IGSF23: variants seen among roughly 807,000 people sequenced by gnomAD.
IGSF23 encodes the protein immunoglobulin superfamily, member 23.
IGSF23 carries 14 observed loss-of-function variants against 17.8 expected under a neutral mutation model. The ratio of observed to expected loss-of-function variants is 0.79; its 90% CI spans 0.52 to 1.23. The LOEUF is 1.23. Among genes scored for constraint, IGSF23 ranks in the 50% most tolerant of loss-of-function variants. The probability of loss-of-function intolerance (pLI) is 0.00; values close to 1 mark genes in which losing one functional copy is unlikely to be tolerated. For missense variants in IGSF23, 214 were observed against 241.7 expected (o/e 0.89, Z 0.76); for synonymous variants, 85 against 92.5 (o/e 0.92, Z 0.46).
intron 4 of IGSF23, among the ~76,000 whole-genome samples, chr19:44,635,678 T>C (rs1423105254): frequency 6.6e-6 from 1 of 152,186 alleles, no homozygotes; most frequent in African/African-American, 2.4e-5. Context: ...TCCTGGAAGC[T>C]GCCTAAACAA....
Position 44,613,707 on chromosome 19 carries a change from C to T in IGSF23, c.62C>T (p.Thr21Ile). ...RNPVPAWSPP[T>I]TTTDPMLEKD... ...CCTGTCCCAGCCTGGTCCCCACCCACCACCACCACTGACCCGATGCTAGAG... is the reference window on the plus strand; with the variant it reads ...CCTGTCCCAGCCTGGTCCCCACCCATCACCACCACTGACCCGATGCTAGAG... The change falls in exon 1 of 5, where the codon ACC becomes ATC. Residue 21 changes from threonine (T) to isoleucine (I), a missense_variant. Transcript: ENST00000402988. The T allele has an allele frequency of 1.3e-6, 2 of 1,550,584 alleles. No homozygotes were observed. Among genetic ancestry groups the T allele is most frequent in the South Asian group, 1.2e-5 (1 of 84,066 alleles).
chr19:44,623,588 G>A, intron 1 of IGSF23, 119 bp from the exon 2 acceptor site: 2 of 1,053,572 alleles, frequency 1.9e-6, no homozygotes, highest in Non-Finnish European at 1.4e-6. Context: ...ATTCATGGGT[G>A]AATTAATGAA....
chr19:44,635,503 G>A, intron 4 of IGSF23, 38 bp downstream of exon 4: 29 of 1,455,596 alleles, frequency 2.0e-5, no homozygotes, highest in Non-Finnish European at 2.7e-5. Context: ...TCCTAGGTTT[G>A]GGAACAGAAA....
intron 1 of IGSF23, chr19:44,617,953 A>T: frequency 2.7e-6 from 1 of 376,600 alleles, no homozygotes; most frequent in Non-Finnish European, 5.4e-6. Context: ...CCTTTCAGGC[A>T]GCAGAGTGGA....
chr19:44,619,093 T>C (rs577715389), intron 1 of IGSF23, among the ~76,000 whole-genome samples: 2 of 151,982 alleles, frequency 1.3e-5, no homozygotes, highest in African/African-American at 4.8e-5. Flanking sequence ...CTTTTAATCA[T>C]AGCGAAGGCA....
chr19:44,616,101 G>C (rs1212993149), intron 1 of IGSF23, among the ~76,000 whole-genome samples: 1 of 151,994 alleles, frequency 6.6e-6, no homozygotes, highest in Admixed American at 6.6e-5. Flanking sequence ...GATAACAGCA[G>C]GTACCTCGAG....
intron 3 of IGSF23, among the ~76,000 whole-genome samples, chr19:44,631,449 A>G (rs979777292): frequency 1.3e-5 from 2 of 151,934 alleles, no homozygotes; most frequent in South Asian, 4.2e-4. Context: ...TTAACAAGGC[A>G]TGGTGGTGCA....
In IGSF23 at chr19:44,627,357, G is replaced by A. The variant is rs1972673782; in HGVS notation, c.392-63G>A. 4.9e-6 allele frequency: 7 copies of A among 1,418,816 alleles called. No individual in the cohort carries two copies. The South Asian group carries it at 8.7e-5, about 18-fold the overall frequency. The allele number at this position is 1,418,816 out of a possible 1,614,324, so 87.9% of individuals were successfully genotyped here. Reference sequence around the variant, plus strand: ...CACTTGGGAGGGGGAATGGCAGGAGGGAGGGGTGCACAGGGAGGGCGGGCA... The same window carrying A: ...CACTTGGGAGGGGGAATGGCAGGAGAGAGGGGTGCACAGGGAGGGCGGGCA... On this transcript the variant is annotated intron_variant, in intron 2 of 4. Coordinates refer to ENST00000402988, the MANE Select transcript of IGSF23 (RefSeq NM_001205280.2).
intron 1 of IGSF23, among the ~76,000 whole-genome samples, chr19:44,622,521 G>A (rs1244924629): frequency 6.6e-6 from 1 of 152,112 alleles, no homozygotes; most frequent in Non-Finnish European, 1.5e-5. Flanking sequence ...CAGACAAGAA[G>A]TGGGGACCTC....
intron 3 of IGSF23, among the ~76,000 whole-genome samples, chr19:44,629,818 G>C (rs762485208): frequency 1.3e-5 from 2 of 151,868 alleles, no homozygotes; most frequent in Non-Finnish European, 2.9e-5. Context: ...ATTTTTAGTA[G>C]AGACGGAGTT....
chr19:44,635,056 G>A (rs974020880), intron 3 of IGSF23, among the ~76,000 whole-genome samples: 1 of 151,518 alleles, frequency 6.6e-6, no homozygotes, highest in Non-Finnish European at 1.5e-5. Flanking sequence ...CTGGATGCTG[G>A]AAGTCCAAGA....
chr19:44,617,453 G>T (rs1972409291), intron 1 of IGSF23, among the ~76,000 whole-genome samples: 1 of 151,906 alleles, frequency 6.6e-6, no homozygotes, highest in South Asian at 2.1e-4. Context: ...AGTACATGAG[G>T]TAATGCATAT....
chr19:44,628,101 C>A (rs980892426), intron 3 of IGSF23, among the ~76,000 whole-genome samples: 11 of 152,088 alleles, frequency 7.2e-5, no homozygotes, highest in African/African-American at 2.7e-4. Flanking sequence ...CATACCACCA[C>A]GCCTGGCTAA....
chr19:44,627,362 G>T, intron 2 of IGSF23, 58 bp from the exon 3 acceptor site: 8 of 1,431,446 alleles, frequency 5.6e-6, no homozygotes, highest in Non-Finnish European at 6.5e-6. Context: ...AGGAGGGAGG[G>T]GTGCACAGGG....
intron 2 of IGSF23, among the ~76,000 whole-genome samples, chr19:44,627,209 TA>T (rs1568488937): frequency 6.6e-6 from 1 of 152,062 alleles, no homozygotes; most frequent in Non-Finnish European, 1.5e-5. Context: ...GTGTGAGCTT[TA>T]GAAAGATCCT....
At chr19:44,618,596 G>A (rs529482413) in intron 1 of IGSF23, among the ~76,000 whole-genome samples, 1 of 152,308 alleles carries the variant, frequency 6.6e-6, no homozygotes, top group South Asian at 2.1e-4. Flanking sequence ...AGCTGTTGGG[G>A]TGTCTGGGTG....
At chr19:44,616,437 C>T (rs1396570052) in intron 1 of IGSF23, among the ~76,000 whole-genome samples, 1 of 152,126 alleles carries the variant, frequency 6.6e-6, no homozygotes, top group African/African-American at 2.4e-5. Context: ...GTGGCTCACA[C>T]CTGTAATCCC....
At chr19:44,630,298 T>A (rs1051869417) in intron 3 of IGSF23, among the ~76,000 whole-genome samples, 1 of 152,238 alleles carries the variant, frequency 6.6e-6, no homozygotes, top group Non-Finnish European at 1.5e-5. Context: ...TTCATCATTG[T>A]GGCAGCTCCG....
intron 1 of IGSF23, among the ~76,000 whole-genome samples, chr19:44,615,768 C>T (rs946107258): frequency 6.6e-6 from 1 of 152,036 alleles, no homozygotes; most frequent in Non-Finnish European, 1.5e-5. Context: ...CCTATTTTGT[C>T]AGAGCTGTTG....
Sources: gnomAD v4.1 joint callset for allele counts (sites outside exome capture counted in the v4.1 genomes callset) on GRCh38, gnomAD v4.1.1 for gene constraint, MANE v1.5 for transcripts, NCBI Gene and HGNC (gene_info 2026-07-23, HGNC 2026-07-21) for gene names.